Variants in RCAN1 observed in about 807,000 individuals in gnomAD.
RCAN1 encodes the protein regulator of calcineurin 1.
In RCAN1, 11 loss-of-function variants were observed where a neutral mutation model predicts 22.9. That is an observed-to-expected ratio of 0.48 (90% CI 0.30 to 0.79). The LOEUF (loss-of-function observed/expected upper bound fraction) is 0.79. Among genes scored for constraint, RCAN1 ranks in the 30% least tolerant of loss-of-function variants. The pLI is 0.06. For missense variants in RCAN1, 291 were observed against 337.8 expected, an observed-to-expected ratio of 0.86 and a Z score of 1.09; for synonymous variants, 136 against 142.3, an observed-to-expected ratio of 0.96 and a Z score of 0.32.
chr21:34,585,742 CAAAAAAAAAAAAA>C (rs59014706), intron 1 of RCAN1, among the ~76,000 whole-genome samples: 1 of 45,986 alleles, frequency 2.2e-5, no homozygotes, highest in Non-Finnish European at 4.2e-5. Flanking sequence ...GACTCCATCT[CAAAAAAAAAAAAA>C]AAAAAAAAAC....
At chr21:34,550,121 C>CGTT (rs1986311328) in intron 1 of RCAN1, among the ~76,000 whole-genome samples, 2 of 152,168 alleles carry the variant, frequency 1.3e-5, no homozygotes. Context: ...AGAGCAAAAC[C>CGTT]ACCTGATACC....
chr21:34,537,624 C>T (rs1985730568), intron 1 of RCAN1, among the ~76,000 whole-genome samples: 1 of 152,200 alleles, frequency 6.6e-6, no homozygotes. Context: ...GGCTGACCAG[C>T]CCCCAGGGCA....
chr21:34,579,655 C>T (rs902007191), intron 1 of RCAN1, among the ~76,000 whole-genome samples: 2 of 152,190 alleles, frequency 1.3e-5, no homozygotes, highest in African/African-American at 4.8e-5. Flanking sequence ...ACAGTTGCAT[C>T]ACTCAGACAT....
intron 1 of RCAN1, among the ~76,000 whole-genome samples, chr21:34,529,550 C>T (rs1040856915): frequency 9.2e-5 from 14 of 152,164 alleles, no homozygotes; most frequent in African/African-American, 3.4e-4. Flanking sequence ...TCTAAAGGTC[C>T]TATGCAAATG....
At chr21:34,554,926 C>G (rs1048042330) in intron 1 of RCAN1, among the ~76,000 whole-genome samples, 1 of 152,202 alleles carries the variant, frequency 6.6e-6, no homozygotes, top group Non-Finnish European at 1.5e-5. Context: ...TATTTACTAT[C>G]ATGAGAACAG....
rs1465393216 is a variant in RCAN1 at position 34,615,076 on chromosome 21, C to A, written c.-65G>T. 4 of 1,009,916 alleles carry A rather than the reference C, an allele frequency of 4.0e-6. No homozygotes were observed. The highest frequency in any genetic ancestry group is 3.5e-6 in the Non-Finnish European group (3 of 846,840). 62.6% of individuals were successfully genotyped at this position (1,009,916 alleles called of 1,614,324 possible). Reference sequence around the variant, plus strand: ...TCCGGGCTTGCGCGCCGGAGCCTCACGCGCTCCGGTCCGCGCCCGGCCGGC... The same window carrying A: ...TCCGGGCTTGCGCGCCGGAGCCTCAAGCGCTCCGGTCCGCGCCCGGCCGGC... On this transcript the variant is annotated 5_prime_UTR_variant, in exon 1 of 4. Transcript: ENST00000313806.
chr21:34,553,430 C>T (rs1163279093), intron 1 of RCAN1, among the ~76,000 whole-genome samples: 1 of 152,172 alleles, frequency 6.6e-6, no homozygotes, highest in Non-Finnish European at 1.5e-5. Context: ...GAAAGTCATG[C>T]CACTTCCTGA....
At chr21:34,606,724 G>A (rs1988538142) in intron 1 of RCAN1, among the ~76,000 whole-genome samples, 1 of 152,090 alleles carries the variant, frequency 6.6e-6, no homozygotes, top group Non-Finnish European at 1.5e-5. Flanking sequence ...CTTATAAGAA[G>A]AGACACCAGA....
chr21:34,521,839 T>C (rs996102121), intron 2 of RCAN1, 181 bp from the exon 3 acceptor site: 2 of 585,234 alleles, frequency 3.4e-6, no homozygotes, highest in Non-Finnish European at 6.0e-6. Flanking sequence ...ATATGAACTC[T>C]GGTTGTGGCA....
At chr21:34,613,932 C>T (rs1366247644) in intron 1 of RCAN1, 34 of 1,166,308 alleles carry the variant, frequency 2.9e-5, no homozygotes, top group Middle Eastern at 2.1e-4. Flanking sequence ...TCTCAAAGAC[C>T]GGTTTCATTC....
chr21:34,574,710 G>T (rs1223351120), intron 1 of RCAN1, among the ~76,000 whole-genome samples: 1 of 152,226 alleles, frequency 6.6e-6, no homozygotes, highest in Admixed American at 6.5e-5. Flanking sequence ...AGTAAAACGT[G>T]ACATGAAATG....
intron 3 of RCAN1, 33 bp downstream of exon 3, chr21:34,521,466 C>T (rs1984538235): frequency 6.2e-7 from 1 of 1,613,730 alleles, no homozygotes; most frequent in African/African-American, 1.3e-5. Context: ...TGTGTCTCCC[C>T]CTGCCTCCCT....
chr21:34,573,646 G>A (rs1601189304), intron 1 of RCAN1, among the ~76,000 whole-genome samples: 2 of 152,168 alleles, frequency 1.3e-5, no homozygotes, highest in Admixed American at 1.3e-4. Context: ...GCAAGGCCAA[G>A]TGACTCGAGT....
chr21:34,523,428 G>T, intron 2 of RCAN1, 109 bp downstream of exon 2: 1 of 1,025,590 alleles, frequency 9.8e-7, no homozygotes, highest in Non-Finnish European at 1.4e-6. Flanking sequence ...TTCTCAAGGT[G>T]AAGTCTCAGA....
intron 1 of RCAN1, among the ~76,000 whole-genome samples, chr21:34,611,392 C>T (rs576854605): frequency 2.9e-4 from 44 of 152,294 alleles, no homozygotes; most frequent in African/African-American, 9.9e-4. Flanking sequence ...ACAGTATTTA[C>T]AATATTGATC....
intron 1 of RCAN1, among the ~76,000 whole-genome samples, chr21:34,550,193 A>G (rs1986314617): frequency 1.3e-5 from 2 of 152,250 alleles, no homozygotes; most frequent in African/African-American, 4.8e-5. Flanking sequence ...ACGACAAAAC[A>G]GCAGATGTGT....
intron 1 of RCAN1, among the ~76,000 whole-genome samples, chr21:34,537,852 A>G (rs1307813347): frequency 6.6e-6 from 1 of 151,616 alleles, no homozygotes; most frequent in Non-Finnish European, 1.5e-5. Context: ...GTGTGTACTT[A>G]TTTTTTCATC....
chr21:34,531,702 TC>T (rs780906543), intron 1 of RCAN1, among the ~76,000 whole-genome samples: 4 of 152,284 alleles, frequency 2.6e-5, no homozygotes, highest in African/African-American at 7.2e-5. Flanking sequence ...TTGTCACATA[TC>T]CTGCCAGTGC....
rs192010280 is a variant in RCAN1 at position 34,578,938 on chromosome 21, T to G, written c.252+35822A>C. Reference sequence around the variant, plus strand: ...GACTCCAGGCAAGGTCATCTACCCTTTGGGCCCCTGGTTCCTCACCTGAAT... The same window carrying G: ...GACTCCAGGCAAGGTCATCTACCCTGTGGGCCCCTGGTTCCTCACCTGAAT... On this transcript the variant is annotated intron_variant, in intron 1 of 3. Coordinates refer to ENST00000313806, the MANE Select transcript of RCAN1 (RefSeq NM_004414.7). Among the ~76,000 whole-genome samples, 352 of 152,126 alleles carry G rather than the reference T, an allele frequency of 2.3e-3. 2 individuals are homozygous for G. Among genetic ancestry groups the G allele is most frequent in the African/African-American group, 8.1e-3 (337 of 41,496 alleles).
Sources: allele counts gnomAD v4.1 joint callset (sites outside exome capture counted in the v4.1 genomes callset), GRCh38; gene constraint gnomAD v4.1.1; transcripts MANE v1.5; gene names NCBI Gene and HGNC (gene_info 2026-07-23, HGNC 2026-07-21).